Variants in FRAS1 observed in about 807,000 individuals in gnomAD.
FRAS1 encodes the protein Fraser extracellular matrix complex subunit 1, also known as extracellular matrix organizing protein FRAS1.
In FRAS1, 290 loss-of-function variants were observed where a neutral mutation model predicts 435.2. The observed-to-expected ratio is 0.67, with a 90% CI of 0.61 to 0.73. FRAS1 has a LOEUF of 0.73. FRAS1 is among the 30% of genes least tolerant of loss of function. The pLI, the probability that FRAS1 is intolerant of heterozygous loss-of-function variation, is 0.00. For missense variants in FRAS1, 4,860 were observed against 5,001.5 expected (o/e 0.97, Z 0.85); for synonymous variants, 1,800 against 1,851.0 (o/e 0.97, Z 0.71).
At chr4:78,152,122 A>G (rs1720691280) in intron 2 of FRAS1, among the ~76,000 whole-genome samples, 1 of 152,134 alleles carries the variant, frequency 6.6e-6, no homozygotes, top group South Asian at 2.1e-4. Context: ...TCGTGCTATA[A>G]TTTGTCATAT....
chr4:78,165,117 A>G (rs2110029503), intron 2 of FRAS1, among the ~76,000 whole-genome samples: 1 of 152,334 alleles, frequency 6.6e-6, no homozygotes, highest in East Asian at 1.9e-4. Context: ...AGACTGGTTA[A>G]TGTCCAGGTA....
At chr4:78,452,631 C>T (rs945359810) in intron 47 of FRAS1, among the ~76,000 whole-genome samples, 1 of 152,188 alleles carries the variant, frequency 6.6e-6, no homozygotes, top group Admixed American at 6.5e-5. Context: ...TTAGGGCAAA[C>T]ACTGCATCCT....
At chr4:78,240,782 G>T (rs1475214689) in intron 3 of FRAS1, among the ~76,000 whole-genome samples, 1 of 152,166 alleles carries the variant, frequency 6.6e-6, no homozygotes, top group African/African-American at 2.4e-5. Context: ...AATTTGGGGA[G>T]CACAGTCATT....
intron 2 of FRAS1, among the ~76,000 whole-genome samples, chr4:78,142,458 A>G (rs1720234065): frequency 6.6e-6 from 1 of 151,984 alleles, no homozygotes; most frequent in African/African-American, 2.4e-5. Context: ...ATATGAGTAG[A>G]CAAGATGTAA....
At chr4:78,454,737 G>A (rs1263177390) in intron 47 of FRAS1, among the ~76,000 whole-genome samples, 2 of 152,136 alleles carry the variant, frequency 1.3e-5, no homozygotes, top group Non-Finnish European at 1.5e-5. Flanking sequence ...CCTCCCTGCT[G>A]GTCAGTAGCA....
intron 29 of FRAS1, among the ~76,000 whole-genome samples, chr4:78,390,931 G>T (rs558408218): frequency 1.3e-5 from 2 of 152,230 alleles, no homozygotes; most frequent in South Asian, 2.1e-4. Context: ...ACCTGTCAAG[G>T]TAACTAGGGA....
chr4:78,162,059 A>C (rs573984239), intron 2 of FRAS1, among the ~76,000 whole-genome samples: 3 of 152,202 alleles, frequency 2.0e-5, no homozygotes, highest in Non-Finnish European at 1.5e-5. Context: ...ATAAAAAAGC[A>C]TAAGTATAAA....
Position 78,284,531 on chromosome 4 carries a change from C to G in FRAS1, c.1382C>G (p.Ala461Gly), listed in dbSNP as rs1727488747. Residue 461 changes from alanine (A) to glycine (G), a missense_variant, in exon 13 of 74, where the codon GCT becomes GGT. By Grantham distance (60) the Ala-to-Gly change is moderately conservative. Coordinates refer to ENST00000512123, the MANE Select transcript of FRAS1 (RefSeq NM_025074.7). ...VHSCGLGFYQ[A>G]GSLCLACQPQ... Reference sequence around the variant, plus strand: ...AGCTGTGGACTGGGTTTTTACCAAGCTGGCAGTCTCTGTTTAGGTATGGCT... The same window carrying G: ...AGCTGTGGACTGGGTTTTTACCAAGGTGGCAGTCTCTGTTTAGGTATGGCT... The G allele has an allele frequency of 6.2e-7, 1 of 1,611,000 alleles. No individual in the cohort carries two copies. The highest frequency in any genetic ancestry group is 1.7e-5 in the Admixed American group (1 of 59,688).
chr4:78,476,906 G>T (rs1364638216), intron 54 of FRAS1, among the ~76,000 whole-genome samples: 19 of 151,560 alleles, frequency 1.3e-4, no homozygotes, highest in Non-Finnish European at 2.6e-4. Context: ...ACAAAGTATA[G>T]TCCAGGCTCA....
chr4:78,358,355 C>T (rs1230416514), intron 20 of FRAS1, among the ~76,000 whole-genome samples: 1 of 152,146 alleles, frequency 6.6e-6, no homozygotes, highest in African/African-American at 2.4e-5. Flanking sequence ...GAAACAGTCT[C>T]ATAAATGGCT....
At position 78,430,413 on chromosome 4, in the gene FRAS1, C is replaced by G; in HGVS notation, c.4965C>G (p.Ala1655=). Residue 1655 remains alanine (A), a synonymous_variant, in exon 37 of 74, where the codon GCC becomes GCG. Transcript: ENST00000512123. ...KHTAEFRRPM[A]TGDTFTYEDV... ...CAGCTGAGTTCCGAAGGCCGATGGC[C>G]ACAGGTAGCTACACACCTACACACT... 1 of 1,612,768 alleles carries G rather than the reference C, an allele frequency of 6.2e-7. No homozygotes were observed. The highest frequency in any genetic ancestry group is 8.5e-7 in the Non-Finnish European group (1 of 1,179,376).
chr4:78,331,779 TG>T (rs1167083290), intron 18 of FRAS1, among the ~76,000 whole-genome samples: 1 of 152,204 alleles, frequency 6.6e-6, no homozygotes, highest in East Asian at 1.9e-4. Context: ...CCCCAGTACT[TG>T]AAGCTACTTG....
Position 78,057,982 on chromosome 4 carries a change from C to T in FRAS1, c.-28C>T, listed in dbSNP as rs1206492861. The T allele has an allele frequency of 1.2e-6, 2 of 1,608,964 alleles. No individual in the cohort carries two copies. Among genetic ancestry groups the T allele is most frequent in the Non-Finnish European group, 1.7e-6 (2 of 1,175,514 alleles). ...CGCTTCTTGGATGCTGAAGGCTGGGCTCCTCCATCGTGGGTGCCGAGGCGG... is the reference window on the plus strand; with the variant it reads ...CGCTTCTTGGATGCTGAAGGCTGGGTTCCTCCATCGTGGGTGCCGAGGCGG... On this transcript the variant is annotated 5_prime_UTR_variant, in exon 1 of 74. Transcript: ENST00000512123. This position sits in a 1 kb window ranked among gnomAD's most constrained non-coding sequence, Gnocchi z 4.2.
intron 2 of FRAS1, among the ~76,000 whole-genome samples, chr4:78,152,589 T>C (rs1204008959): frequency 1.3e-5 from 2 of 151,420 alleles, no homozygotes; most frequent in Non-Finnish European, 2.9e-5. Context: ...TTGTGTGTTC[T>C]TCATTTCATG....
chr4:78,271,962 C>T lies in FRAS1; in HGVS notation c.981+4530C>T, dbSNP rs192332659. 2.5e-4 allele frequency among the ~76,000 whole-genome samples: 38 copies of T among 152,328 alleles called. No individual in the cohort carries two copies. The East Asian group carries it at 7.3e-3, about 29-fold the overall frequency. ...TAAAAGTGTTCCTATTTCTCCACAT[C>T]CTCTCCAGCACCTGTTCTTTCCTGA... is the stretch of plus-strand genomic sequence containing the variant. On this transcript the variant is annotated intron_variant, in intron 9 of 73. Coordinates refer to ENST00000512123, the MANE Select transcript of FRAS1 (RefSeq NM_025074.7).
chr4:78,299,974 T>C (rs1007161971), intron 14 of FRAS1, among the ~76,000 whole-genome samples: 2 of 152,226 alleles, frequency 1.3e-5, no homozygotes, highest in Admixed American at 6.5e-5. Context: ...TTCTGTTGAA[T>C]GTTGATATAT....
At chr4:78,393,598 CA>C (rs1490812305) in intron 29 of FRAS1, among the ~76,000 whole-genome samples, 1 of 152,016 alleles carries the variant, frequency 6.6e-6, no homozygotes, top group Non-Finnish European at 1.5e-5. Flanking sequence ...CATATTGTTG[CA>C]AATAGCAGGA....
intron 47 of FRAS1, among the ~76,000 whole-genome samples, chr4:78,460,563 G>A (rs1278600231): frequency 6.6e-6 from 1 of 152,196 alleles, no homozygotes; most frequent in Non-Finnish European, 1.5e-5. Context: ...GTCATGTATT[G>A]CGTAACAATT....
At chr4:78,413,566 A>G (rs1430520353) in intron 32 of FRAS1, among the ~76,000 whole-genome samples, 1 of 152,220 alleles carries the variant, frequency 6.6e-6, no homozygotes, top group Non-Finnish European at 1.5e-5. Flanking sequence ...CCAAGTGAAA[A>G]TCTGGGGACA....
Sources: allele counts gnomAD v4.1 joint callset (sites outside exome capture counted in the v4.1 genomes callset), GRCh38; gene constraint gnomAD v4.1.1; non-coding constraint Gnocchi (gnomAD v3.1); transcripts MANE v1.5; gene names NCBI Gene and HGNC (gene_info 2026-07-23, HGNC 2026-07-21).